Variants in CNTLN observed in about 807,000 individuals in gnomAD.
CNTLN encodes centlein, centrosomal protein.
A neutral mutation model predicts 180.0 loss-of-function variants in CNTLN; 212 were observed. That is an observed-to-expected ratio of 1.18 (90% CI 1.05 to 1.32). The LOEUF (loss-of-function observed/expected upper bound fraction) is 1.32, where lower values mean the gene tolerates loss of function less well. Among genes scored for constraint, CNTLN ranks in the 40% most tolerant of loss-of-function variants. CNTLN has a pLI of 0.00. For synonymous variants in CNTLN, 722 were observed against 563.1 expected (o/e 1.28, Z -3.99); for missense variants, 2,095 against 1,610.9 (o/e 1.30, Z -5.14).
the CNTLN span, among the ~76,000 whole-genome samples, chr9:17,520,780 AC>A: frequency 6.6e-6 from 1 of 152,330 alleles, no homozygotes; most frequent in South Asian, 2.1e-4. Flanking sequence ...GATTTTCATC[AC>A]ATTTGAGATG....
At chr9:17,252,450 A>G (rs1587344434) in intron 5 of CNTLN, among the ~76,000 whole-genome samples, 1 of 143,418 alleles carries the variant, frequency 7.0e-6, no homozygotes, top group Admixed American at 6.9e-5. Flanking sequence ...AACTAGGATG[A>G]CATGACATCT....
At chr9:17,141,075 G>T (rs1194798873) in intron 1 of CNTLN, among the ~76,000 whole-genome samples, 2 of 152,140 alleles carry the variant, frequency 1.3e-5, no homozygotes, top group Non-Finnish European at 1.5e-5. Context: ...CTAATTTTAA[G>T]ATTTCCTTTA....
At chr9:17,428,625 A>G (rs1829233467) in intron 18 of CNTLN, among the ~76,000 whole-genome samples, 1 of 152,116 alleles carries the variant, frequency 6.6e-6, no homozygotes, top group South Asian at 2.1e-4. Context: ...ATAAACTGTG[A>G]CATAATTATT....
chr9:17,493,268 C>A (rs1962516), intron 25 of CNTLN, among the ~76,000 whole-genome samples: 1 of 151,770 alleles, frequency 6.6e-6, no homozygotes, highest in African/African-American at 2.4e-5. Context: ...TTTAAAAAAT[C>A]TAAAGTAGGA....
At chr9:17,298,966 G>A (rs371850912) in intron 7 of CNTLN, 36 of 982,558 alleles carry the variant, frequency 3.7e-5, no homozygotes, top group South Asian at 1.4e-4. Flanking sequence ...TTTATTGGCC[G>A]GGCATGGTGG....
At chr9:17,464,473 G>C (rs762524445) in intron 20 of CNTLN, 24 bp from the exon 21 acceptor site, 1 of 1,522,158 alleles carries the variant, frequency 6.6e-7, no homozygotes, top group Non-Finnish European at 8.8e-7. Context: ...TGTCACTCTT[G>C]ATGTCACCTT....
chr9:17,409,636 A>G (rs1460169744), intron 16 of CNTLN, among the ~76,000 whole-genome samples, 163 bp downstream of exon 16: 1 of 152,164 alleles, frequency 6.6e-6, no homozygotes, highest in Non-Finnish European at 1.5e-5. Flanking sequence ...ATTTTCAAGT[A>G]CTTGTTTGTT....
At chr9:17,282,537 G>C (rs1231836802) in intron 6 of CNTLN, among the ~76,000 whole-genome samples, 1 of 152,080 alleles carries the variant, frequency 6.6e-6, no homozygotes, top group Non-Finnish European at 1.5e-5. Flanking sequence ...TCTGTAGGTT[G>C]CCTGTTCACT....
At chr9:17,408,753 AT>A (rs1415556033) in intron 15 of CNTLN, among the ~76,000 whole-genome samples, 1 of 151,192 alleles carries the variant, frequency 6.6e-6, no homozygotes, top group Non-Finnish European at 1.5e-5. Context: ...ATGAGCCAAG[AT>A]CGCGCCACTG....
chr9:17,390,649 C>A (rs1472670323), intron 14 of CNTLN, among the ~76,000 whole-genome samples: 1 of 152,070 alleles, frequency 6.6e-6, no homozygotes, highest in Non-Finnish European at 1.5e-5. Flanking sequence ...TTTAACAGTT[C>A]CCCAGACTTT....
At chr9:17,474,189 A>AT (rs1432073227) in intron 23 of CNTLN, among the ~76,000 whole-genome samples, 5 of 152,126 alleles carry the variant, frequency 3.3e-5, no homozygotes, top group Admixed American at 3.3e-4. Context: ...GAAACTATGG[A>AT]TTTTTAAATC....
intron 18 of CNTLN, among the ~76,000 whole-genome samples, chr9:17,456,293 T>C (rs1422346414): frequency 6.6e-6 from 1 of 152,128 alleles, no homozygotes; most frequent in Non-Finnish European, 1.5e-5. Flanking sequence ...ACAAATTTCA[T>C]GGAACAAATT....
chr9:17,205,115 G>T (rs1202846481), intron 2 of CNTLN, among the ~76,000 whole-genome samples: 1 of 152,130 alleles, frequency 6.6e-6, no homozygotes, highest in Non-Finnish European at 1.5e-5. Context: ...TTCTTAGCTT[G>T]CTGGGCTCCG....
At chr9:17,298,040 T>G (rs979808622) in intron 6 of CNTLN, 150 bp from the exon 7 acceptor site, 54 of 487,714 alleles carry the variant, frequency 1.1e-4, no homozygotes, top group Non-Finnish European at 1.8e-4. Flanking sequence ...ATATTAAATA[T>G]GTCATTATTT....
chr9:17,224,406 T>C (rs987229170), intron 2 of CNTLN, among the ~76,000 whole-genome samples: 3 of 152,014 alleles, frequency 2.0e-5, no homozygotes, highest in African/African-American at 7.2e-5. Context: ...AGAACTTTAT[T>C]TAATTCTAAA....
In CNTLN at chr9:17,309,267, C is replaced by G. The variant is rs1818958321; in HGVS notation, c.1341+15C>G. The G allele has an allele frequency of 2.6e-6, 4 of 1,521,686 alleles. No homozygotes were observed. Among genetic ancestry groups the G allele is most frequent in the Admixed American group, 2.2e-5 (1 of 46,420 alleles). 94.3% of individuals were successfully genotyped at this position (1,521,686 alleles called of 1,614,324 possible). ...ACTCAGCACAGGTGAGAGACATTTTCTAAAACTGTTATTCAGTGTAATATT... is the reference window on the plus strand; with the variant it reads ...ACTCAGCACAGGTGAGAGACATTTTGTAAAACTGTTATTCAGTGTAATATT... On this transcript the variant is annotated intron_variant, in intron 8 of 25. Transcript: ENST00000380647.
At chr9:17,272,253 T>C (rs988086885) in intron 5 of CNTLN, among the ~76,000 whole-genome samples, 4 of 152,070 alleles carry the variant, frequency 2.6e-5, no homozygotes, top group Non-Finnish European at 5.9e-5. Flanking sequence ...ATTTTTGCAT[T>C]TTTAGTAGAG....
At chr9:17,519,307 G>C in the CNTLN span, among the ~76,000 whole-genome samples, 1 of 151,100 alleles carries the variant, frequency 6.6e-6, no homozygotes, top group East Asian at 1.9e-4. Flanking sequence ...TATTGCATGA[G>C]GGAAAAAGTC....
At chr9:17,369,630 C>T (rs779931763) in intron 13 of CNTLN, among the ~76,000 whole-genome samples, 4 of 150,952 alleles carry the variant, frequency 2.6e-5, no homozygotes, top group African/African-American at 4.9e-5. Context: ...ACTGGAGTCC[C>T]CTCATAGCAG....
Sources: gnomAD v4.1 joint callset for allele counts (sites outside exome capture counted in the v4.1 genomes callset) on GRCh38, gnomAD v4.1.1 for gene constraint, MANE v1.5 for transcripts, NCBI Gene and HGNC (gene_info 2026-07-23, HGNC 2026-07-21) for gene names.